Variants in CACNG3 observed in about 807,000 individuals in gnomAD.
CACNG3 encodes voltage-dependent calcium channel gamma-3 subunit.
A neutral mutation model predicts 28.5 loss-of-function variants in CACNG3; 3 were observed. That is an observed-to-expected ratio of 0.11 (90% CI 0.05 to 0.27). The LOEUF (loss-of-function observed/expected upper bound fraction) is 0.27, where lower values mean the gene tolerates loss of function less well. Among genes scored for constraint, CACNG3 ranks in the 10% least tolerant of loss-of-function variants. The pLI is 1.00. For synonymous variants in CACNG3, 174 were observed against 162.2 expected, an observed-to-expected ratio of 1.07 and a Z score of -0.55; for missense variants, 236 against 414.4, an observed-to-expected ratio of 0.57 and a Z score of 3.74.
Position 24,290,109 on chromosome 16 carries a change from A to G in CACNG3, c.211+33144A>G, listed in dbSNP as rs144812470. On this transcript the variant is annotated intron_variant, in intron 1 of 3. Coordinates refer to ENST00000005284, the MANE Select transcript of CACNG3 (RefSeq NM_006539.4). ...CTCTACTGTAACACTCAAAGTCAAC[A>G]TTACTAATTAACATTTTGAATCAAC... Among the ~76,000 whole-genome samples the G allele has an allele frequency of 4.6e-5, 7 of 152,370 alleles. No homozygotes were observed. In the East Asian group the frequency reaches 1.3e-3, roughly 29 times the overall value.
At chr16:24,324,181 T>C (rs903236150) in intron 1 of CACNG3, among the ~76,000 whole-genome samples, 1 of 152,144 alleles carries the variant, frequency 6.6e-6, no homozygotes, top group African/African-American at 2.4e-5. Flanking sequence ...TGAAGTTCAA[T>C]AAAGGTAAAG....
At chr16:24,318,451 C>G (rs967218715) in intron 1 of CACNG3, among the ~76,000 whole-genome samples, 12 of 152,192 alleles carry the variant, frequency 7.9e-5, no homozygotes, top group African/African-American at 2.7e-4. Flanking sequence ...CTTGGCCTCA[C>G]AAAGTGCTGA....
chr16:24,341,446 G>C (rs758090511), intron 1 of CACNG3, among the ~76,000 whole-genome samples: 1 of 152,172 alleles, frequency 6.6e-6, no homozygotes, highest in African/African-American at 2.4e-5. Context: ...AATAATAGCT[G>C]TAATATACTG....
At chr16:24,296,839 C>A (rs1899037479) in intron 1 of CACNG3, among the ~76,000 whole-genome samples, 1 of 152,114 alleles carries the variant, frequency 6.6e-6, no homozygotes, top group Admixed American at 6.6e-5. Context: ...TTTGAGCCTG[C>A]CAGTTATTTT....
chr16:24,306,254 C>T (rs371076466), intron 1 of CACNG3, among the ~76,000 whole-genome samples: 66 of 152,312 alleles, frequency 4.3e-4, no homozygotes, highest in African/African-American at 1.4e-3. Flanking sequence ...ATATTTAGCC[C>T]GTTGGAAGCT....
intron 1 of CACNG3, among the ~76,000 whole-genome samples, chr16:24,336,449 G>C (rs1471999454): frequency 2.0e-5 from 3 of 151,720 alleles, no homozygotes; most frequent in African/African-American, 7.3e-5. Context: ...TTTTGTTTTT[G>C]TATTTTTAGT....
intron 1 of CACNG3, among the ~76,000 whole-genome samples, chr16:24,294,846 C>T (rs1899010447): frequency 1.3e-5 from 2 of 152,204 alleles, no homozygotes; most frequent in Admixed American, 1.3e-4. Flanking sequence ...CTGCGTATTT[C>T]ATAGAGCTAC....
chr16:24,273,392 A>T (rs1187599405), intron 1 of CACNG3, among the ~76,000 whole-genome samples: 2 of 152,202 alleles, frequency 1.3e-5, no homozygotes, highest in Non-Finnish European at 2.9e-5. Flanking sequence ...AAAATAACGC[A>T]CATCTTCATT....
intron 1 of CACNG3, among the ~76,000 whole-genome samples, chr16:24,301,689 G>T (rs1044807288): frequency 6.6e-6 from 1 of 152,192 alleles, no homozygotes; most frequent in African/African-American, 2.4e-5. Context: ...GAATGGAGCT[G>T]GGGGAATTGT....
intron 1 of CACNG3, among the ~76,000 whole-genome samples, chr16:24,274,203 A>AC (rs1410672866): frequency 2.0e-5 from 3 of 148,746 alleles, no homozygotes; most frequent in African/African-American, 4.9e-5. Flanking sequence ...AAAAAAAACA[A>AC]AAAAAAAAAA....
At chr16:24,317,251 G>A (rs1333891088) in intron 1 of CACNG3, among the ~76,000 whole-genome samples, 7 of 152,072 alleles carry the variant, frequency 4.6e-5, no homozygotes, top group Admixed American at 1.3e-4. Flanking sequence ...GTAAGAAGGT[G>A]TAGAAGCAAG....
Position 24,345,439 on chromosome 16 carries a change from G to A in CACNG3, c.212-1295G>A, listed in dbSNP as rs538552878. 5.9e-5 allele frequency among the ~76,000 whole-genome samples: 9 copies of A among 152,278 alleles called. No individual in the cohort carries two copies. The South Asian group carries it at 1.7e-3, about 28-fold the overall frequency. ...ACCTCAGCCGGGCAAGGTGGCTCAC[G>A]CCTGTAATCCCAGCACATTGGGAGG... On this transcript the variant is annotated intron_variant, in intron 1 of 3. Coordinates refer to ENST00000005284, the MANE Select transcript of CACNG3 (RefSeq NM_006539.4).
chr16:24,353,318 C>A (rs10852265), intron 2 of CACNG3, among the ~76,000 whole-genome samples: 122,872 of 152,236 alleles, frequency 0.81, 49,758 homozygotes, highest in East Asian at 1. Flanking sequence ...TAAATTATGC[C>A]GCTGGTCCTG....
At chr16:24,315,046 G>T (rs541438711) in intron 1 of CACNG3, among the ~76,000 whole-genome samples, 1 of 152,262 alleles carries the variant, frequency 6.6e-6, no homozygotes, top group South Asian at 2.1e-4. Flanking sequence ...ACAGTCAAAA[G>T]GACTTGGTTC....
intron 1 of CACNG3, among the ~76,000 whole-genome samples, chr16:24,291,764 G>A (rs1898971123): frequency 6.6e-6 from 1 of 152,114 alleles, no homozygotes; most frequent in Non-Finnish European, 1.5e-5. Context: ...AGGAGAGAGA[G>A]AAAATAATGG....
intron 1 of CACNG3, among the ~76,000 whole-genome samples, chr16:24,291,707 C>T (rs921167618): frequency 1.2e-4 from 18 of 152,044 alleles, no homozygotes; most frequent in Non-Finnish European, 4.4e-5. Flanking sequence ...TGATGTAGGA[C>T]AAGTTACTTA....
intron 1 of CACNG3, among the ~76,000 whole-genome samples, chr16:24,281,964 A>T (rs2283551): frequency 6.6e-6 from 1 of 152,008 alleles, no homozygotes; most frequent in Non-Finnish European, 1.5e-5. Context: ...AGATGGTAAA[A>T]GATGGAGCCA....
intron 2 of CACNG3, 88 bp from the exon 3 acceptor site, chr16:24,354,745 C>T (rs1737118251): frequency 1.5e-6 from 2 of 1,352,042 alleles, no homozygotes; most frequent in Admixed American, 2.0e-5. Context: ...CCTGTGCTGC[C>T]TTCCTCTCAG....
intron 1 of CACNG3, among the ~76,000 whole-genome samples, chr16:24,283,777 T>C (rs1898860042): frequency 6.6e-6 from 1 of 152,210 alleles, no homozygotes; most frequent in Non-Finnish European, 1.5e-5. Flanking sequence ...ATCACAGATC[T>C]CGGTTTACAT....
Sources: gnomAD v4.1 joint callset for allele counts (sites outside exome capture counted in the v4.1 genomes callset) on GRCh38, gnomAD v4.1.1 for gene constraint, MANE v1.5 for transcripts, NCBI Gene and HGNC (gene_info 2026-07-23, HGNC 2026-07-21) for gene names.